The following ZBTB16 variants were observed in gnomAD, a reference collection of about 807,000 sequenced individuals.
The protein encoded by ZBTB16 is zinc finger and BTB domain-containing protein 16.
A neutral mutation model predicts 56.8 loss-of-function variants in ZBTB16; 8 were observed. That is an observed-to-expected ratio of 0.14 (90% CI 0.08 to 0.25). ZBTB16 has a LOEUF of 0.25. ZBTB16 is among the 10% of genes least tolerant of loss of function. The pLI is 1.00. For synonymous variants in ZBTB16, 363 were observed against 368.5 expected (o/e 0.98, Z 0.17); for missense variants, 625 against 903.0 (o/e 0.69, Z 3.95).
chr11:114,200,736 C>T (rs1943720290), intron 4 of ZBTB16, among the ~76,000 whole-genome samples: 1 of 152,144 alleles, frequency 6.6e-6, no homozygotes, highest in African/African-American at 2.4e-5. Flanking sequence ...CACTCGTCTC[C>T]CCTCGTGCCC....
At chr11:114,224,618 A>C (rs923043676) in intron 4 of ZBTB16, among the ~76,000 whole-genome samples, 1 of 152,204 alleles carries the variant, frequency 6.6e-6, no homozygotes, top group Non-Finnish European at 1.5e-5. Context: ...GGGTGAGTTT[A>C]TATAACAAGA....
At chr11:114,223,170 G>T (rs1199813525) in intron 4 of ZBTB16, among the ~76,000 whole-genome samples, 1 of 152,176 alleles carries the variant, frequency 6.6e-6, no homozygotes, top group Non-Finnish European at 1.5e-5. Context: ...CTTCAATTGT[G>T]AATGACTCCT....
chr11:114,142,368 A>G (rs1941975232), intron 2 of ZBTB16, among the ~76,000 whole-genome samples: 1 of 152,216 alleles, frequency 6.6e-6, no homozygotes, highest in Admixed American at 6.5e-5. Flanking sequence ...TAATTGCACA[A>G]CGGATTGCCT....
chr11:114,112,554 A>G (rs1591677562), intron 2 of ZBTB16, among the ~76,000 whole-genome samples: 1 of 152,274 alleles, frequency 6.6e-6, no homozygotes, highest in East Asian at 1.9e-4. Flanking sequence ...GGCTGTCGTC[A>G]AAACACCCCT....
intron 2 of ZBTB16, among the ~76,000 whole-genome samples, chr11:114,119,604 A>G (rs2137800647): frequency 6.6e-6 from 1 of 152,238 alleles, no homozygotes; most frequent in African/African-American, 2.4e-5. Context: ...TTGGTGGGAC[A>G]CTCAAGGATG....
intron 2 of ZBTB16, among the ~76,000 whole-genome samples, chr11:114,082,761 C>A (rs1295295195): frequency 1.3e-5 from 2 of 151,790 alleles, no homozygotes; most frequent in African/African-American, 2.4e-5. Flanking sequence ...GGAGAGGGGC[C>A]TGGGGAGAGG....
rs188314578 is a variant in ZBTB16, at chr11:114,154,810, A to C, written c.1269-1527A>C. Among the ~76,000 whole-genome samples the C allele has an allele frequency of 2.4e-4, 36 of 152,278 alleles. 2 individuals carry two copies. The East Asian group carries it at 2.9e-3, about 12-fold the overall frequency. ...GGGGAAAGGGAAAGCATGCAAACAA[A>C]ACAATGTGATTGAGAAAGAGCTCTG... On this transcript the variant is annotated intron_variant, in intron 2 of 6. Transcript: ENST00000335953.
chr11:114,088,261 C>G (rs1292608955), intron 2 of ZBTB16, among the ~76,000 whole-genome samples: 1 of 151,014 alleles, frequency 6.6e-6, no homozygotes, highest in Non-Finnish European at 1.5e-5. Flanking sequence ...TGTGTCTCAG[C>G]CTCCCGAGTA....
At chr11:114,112,760 CTTT>C (rs398017637) in intron 2 of ZBTB16, among the ~76,000 whole-genome samples, 13,123 of 133,100 alleles carry the variant, frequency 0.099, 644 homozygotes, top group Middle Eastern at 0.21. Flanking sequence ...AGTTCATTTT[CTTT>C]TTTTTTTTTT....
intron 2 of ZBTB16, among the ~76,000 whole-genome samples, chr11:114,069,931 A>G (rs1045803669): frequency 6.6e-6 from 1 of 152,172 alleles, no homozygotes; most frequent in Admixed American, 6.5e-5. Flanking sequence ...CAGTAAACTC[A>G]TTTAGTGGCA....
chr11:114,247,003 A>T (rs546479166), intron 5 of ZBTB16, 195 bp from the exon 6 acceptor site: 32 of 684,472 alleles, frequency 4.7e-5, no homozygotes, highest in African/African-American at 4.1e-4. Context: ...ATGGGGCCAC[A>T]GTAAAGTATG....
At chr11:114,201,032 T>C (rs1469572395) in intron 4 of ZBTB16, among the ~76,000 whole-genome samples, 1 of 152,224 alleles carries the variant, frequency 6.6e-6, no homozygotes, top group African/African-American at 2.4e-5. Context: ...GTTAATAGCA[T>C]TGAAATTGCA....
At chr11:114,169,952 C>T (rs902720105) in intron 3 of ZBTB16, among the ~76,000 whole-genome samples, 5 of 152,162 alleles carry the variant, frequency 3.3e-5, no homozygotes, top group African/African-American at 4.8e-5. Context: ...CTTTCCTCCT[C>T]ATCCTCCTCC....
rs2135228601 is a variant in ZBTB16 at position 114,254,773 on chromosome 11, A to G, written c.*4218A>G. On this transcript the variant is annotated 3_prime_UTR_variant, in exon 7 of 7. Coordinates refer to ENST00000335953, the MANE Select transcript of ZBTB16 (RefSeq NM_006006.6). ...GGCTGTAATGGTGGCACTTACCTGG[A>G]TATTTCAGTGGGAGGATGAAAGGCG... Among the ~76,000 whole-genome samples, 1 of 152,114 alleles carries G rather than the reference A, an allele frequency of 6.6e-6. No homozygotes were observed. Among genetic ancestry groups the G allele is most frequent in the African/African-American group, 2.4e-5 (1 of 41,476 alleles).
chr11:114,151,370 A>G (rs935735500), intron 2 of ZBTB16, among the ~76,000 whole-genome samples: 1 of 152,186 alleles, frequency 6.6e-6, no homozygotes, highest in East Asian at 1.9e-4. Context: ...GCTGAAAACA[A>G]GGACAACATC....
chr11:114,196,628 TTCTCTGA>T (rs1434724501), intron 4 of ZBTB16, among the ~76,000 whole-genome samples: 1 of 152,294 alleles, frequency 6.6e-6, no homozygotes, highest in East Asian at 1.9e-4. Context: ...CATTTCCTCA[TTCTCTGA>T]GTTTTTAAGT....
chr11:114,092,960 A>G (rs917748589), intron 2 of ZBTB16, among the ~76,000 whole-genome samples: 7 of 152,170 alleles, frequency 4.6e-5, no homozygotes, highest in Non-Finnish European at 1.0e-4. Context: ...TTGAAGGATT[A>G]AAGTTTGAGG....
intron 4 of ZBTB16, among the ~76,000 whole-genome samples, chr11:114,202,454 C>T (rs1010907234): frequency 1.3e-5 from 2 of 152,130 alleles, no homozygotes; most frequent in African/African-American, 4.8e-5. Context: ...TCCTGCATTC[C>T]CAGGGCCTTC....
intron 2 of ZBTB16, among the ~76,000 whole-genome samples, chr11:114,122,791 A>G (rs1941381021): frequency 6.6e-6 from 1 of 152,234 alleles, no homozygotes; most frequent in African/African-American, 2.4e-5. Context: ...AATTCTAGAA[A>G]GAGACACAGT....
Sources: allele counts gnomAD v4.1 joint callset (sites outside exome capture counted in the v4.1 genomes callset), GRCh38; gene constraint gnomAD v4.1.1; transcripts MANE v1.5; gene names NCBI Gene and HGNC (gene_info 2026-07-23, HGNC 2026-07-21).